Variants in CFAP47 observed in about 807,000 individuals in gnomAD.
The protein encoded by CFAP47 is cilia- and flagella-associated protein 47.
Under a neutral mutation model 148.1 loss-of-function variants are expected in CFAP47, and 29 were observed. The observed-to-expected ratio is 0.20, with a 90% confidence interval of 0.15 to 0.27. CFAP47 has a LOEUF of 0.27. CFAP47 is among the 10% of genes least tolerant of loss of function. CFAP47 has a pLI of 1.00. For synonymous variants in CFAP47, 664 were observed against 577.3 expected (o/e 1.15, Z -2.15); for missense variants, 1,872 against 1,697.5 (o/e 1.10, Z -1.81).
chrX:35,998,884 G>T (rs1447363569), intron 19 of CFAP47, among the ~76,000 whole-genome samples: 1 of 111,019 alleles, frequency 9.0e-6, no homozygotes, highest in Admixed American at 9.6e-5. Flanking sequence ...GTCATTTTGG[G>T]CATGCTTTGC....
chrX:35,960,577 CT>C (rs1936316928), intron 8 of CFAP47, among the ~76,000 whole-genome samples: 1 of 110,150 alleles, frequency 9.1e-6, no homozygotes, highest in South Asian at 3.8e-4. Context: ...ATGTACAAGT[CT>C]TGCAATTATT....
At chrX:36,320,073 G>A (rs968900754) in intron 57 of CFAP47, among the ~76,000 whole-genome samples, 1 of 111,250 alleles carries the variant, frequency 9.0e-6, no homozygotes, top group Admixed American at 9.6e-5. Context: ...TGATCCACCT[G>A]CCTTGGCCTC....
In CFAP47 at chrX:36,371,643, T is replaced by TATGTGTATATATGTGTGTATATACACAC. The variant is rs1340408211; in HGVS notation, c.9185+4579_9185+4606dup. On this transcript the variant is annotated intron_variant, in intron 62 of 63. Coordinates refer to ENST00000378653, the MANE Select transcript of CFAP47 (RefSeq NM_001304548.2). ...TGTAATATATGTGTATATACACACA[T>TATGTGTATATATGTGTGTATATACACAC]ATGTGTATATATGTGTGTATATACA... Among the ~76,000 whole-genome samples, 19 of 79,850 alleles carry TATGTGTATATATGTGTGTATATACACAC rather than the reference T, an allele frequency of 2.4e-4. 1 individual carries two copies. Among genetic ancestry groups the TATGTGTATATATGTGTGTATATACACAC allele is most frequent in the South Asian group, 6.7e-4 (1 of 1,500 alleles). The allele number at this position is 79,850 out of a possible 115,157, so 69.3% of individuals were successfully genotyped here. A position where few individuals can be genotyped will look rare whatever the true frequency, so the allele number is the denominator to read the frequency against.
At chrX:36,000,656 T>C (rs1936903621) in intron 20 of CFAP47, among the ~76,000 whole-genome samples, 1 of 111,628 alleles carries the variant, frequency 9.0e-6, no homozygotes, top group Admixed American at 9.5e-5. Flanking sequence ...ACCGTTCTTA[T>C]TAGTGTGTTA....
In CFAP47 at chrX:36,085,544, T is replaced by A. The variant is rs778831105; in HGVS notation, c.4916+6T>A. 8.3e-6 allele frequency: 9 copies of A among 1,084,478 alleles called. No homozygotes were observed. The South Asian group carries it at 1.5e-4, about 18-fold the overall frequency. The allele number at this position is 1,084,478 out of a possible 1,213,427, so 89.4% of individuals were successfully genotyped here. A position where few individuals can be genotyped will look rare whatever the true frequency, so the allele number is the denominator to read the frequency against. ...TCACTTCTGGACTTTCTCAAGTAAG[T>A]GCCTGGATGTGCTCATATAAGCATA... On this transcript the variant is annotated splice_donor_region_variant and intron_variant, in intron 30 of 63. Transcript: ENST00000378653.
intron 6 of CFAP47, among the ~76,000 whole-genome samples, chrX:35,952,697 A>T (rs938059695): frequency 1.9e-4 from 21 of 111,956 alleles, no homozygotes; most frequent in Admixed American, 1.6e-3. Flanking sequence ...TAAATCAAGT[A>T]ATTGTTCTAT....
intron 50 of CFAP47, among the ~76,000 whole-genome samples, chrX:36,281,606 C>G (rs1345665488): frequency 7.1e-5 from 8 of 112,015 alleles, no homozygotes; most frequent in Non-Finnish European, 1.5e-4. Context: ...TGGAGGAGGC[C>G]TACTCAATGG....
At chrX:36,372,042 A>ATATGTATATATGTGTGTGTG (rs1941976138) in intron 62 of CFAP47, among the ~76,000 whole-genome samples, 2 of 100,715 alleles carry the variant, frequency 2.0e-5, no homozygotes, top group African/African-American at 7.7e-5. Flanking sequence ...GTGTGTGTGT[A>ATATGTATATATGTGTGTGTG]TATATATATA....
intron 26 of CFAP47, 55 bp from the exon 27 acceptor site, chrX:36,065,588 C>A: frequency 1.5e-6 from 1 of 657,917 alleles, no homozygotes; most frequent in Non-Finnish European, 2.4e-6. Flanking sequence ...AAATGCATGG[C>A]ATTTACTGCA....
chrX:36,235,176 G>A (rs782521757), intron 46 of CFAP47, among the ~76,000 whole-genome samples: 3 of 111,830 alleles, frequency 2.7e-5, no homozygotes, highest in Non-Finnish European at 3.8e-5. Context: ...TAAGTCTGCA[G>A]AGGTTACTGC....
Position 35,961,333 on chromosome X carries a change from C to T in CFAP47, c.1410+5137C>T, listed in dbSNP as rs767545078. Among the ~76,000 whole-genome samples, 3 of 111,454 alleles carry T rather than the reference C, an allele frequency of 2.7e-5. No individual in the cohort carries two copies. The South Asian group carries it at 1.1e-3, about 42-fold the overall frequency. Reference sequence around the variant, plus strand: ...TTTGGCATCAGAATAAAACCGGTGCCACAGAATGAATTGAGAATACACTCT... The same window carrying T: ...TTTGGCATCAGAATAAAACCGGTGCTACAGAATGAATTGAGAATACACTCT... On this transcript the variant is annotated intron_variant, in intron 8 of 63. Transcript: ENST00000378653.
At chrX:36,079,188 T>C (rs1937924952) in intron 29 of CFAP47, among the ~76,000 whole-genome samples, 1 of 111,226 alleles carries the variant, frequency 9.0e-6, no homozygotes, top group African/African-American at 3.3e-5. Context: ...ATCTTTGTGG[T>C]GTTCTCTGTA....
chrX:36,377,932 A>T (rs918896390), intron 62 of CFAP47, among the ~76,000 whole-genome samples: 1 of 111,854 alleles, frequency 8.9e-6, no homozygotes, highest in African/African-American at 3.2e-5. Context: ...GCCCGAAGTC[A>T]TCCATCTAAA....
chrX:35,924,117 A>G (rs765085020), intron 1 of CFAP47, among the ~76,000 whole-genome samples: 2 of 100,917 alleles, frequency 2.0e-5, no homozygotes, highest in Admixed American at 1.1e-4. Flanking sequence ...ATGTACATGT[A>G]TGCGTACATA....
At chrX:36,106,529 AGATGGTGCCTAGAC>A (rs1478524704) in intron 33 of CFAP47, among the ~76,000 whole-genome samples, 1 of 111,938 alleles carries the variant, frequency 8.9e-6, no homozygotes, top group African/African-American at 3.2e-5. Context: ...TCTGTTTCCA[AGATGGTGCCTAGAC>A]GATGCACACT....
intron 3 of CFAP47, 33 bp from the exon 4 acceptor site, chrX:35,948,281 C>CG (rs1936113475): frequency 1.7e-6 from 2 of 1,157,674 alleles, no homozygotes; most frequent in Non-Finnish European, 2.3e-6. Context: ...TGTAAGGGTC[C>CG]AGATGTAAAT....
chrX:36,010,069 G>A (rs754508382), intron 21 of CFAP47, among the ~76,000 whole-genome samples: 72 of 111,252 alleles, frequency 6.5e-4, no homozygotes, highest in African/African-American at 1.7e-3. Context: ...CATAAATAAT[G>A]TAAGGTTTTG....
chrX:36,032,355 A>G (rs1937289885), intron 23 of CFAP47, among the ~76,000 whole-genome samples: 1 of 110,517 alleles, frequency 9.0e-6, no homozygotes, highest in South Asian at 3.8e-4. Flanking sequence ...CCCATGAATG[A>G]TATTTGCAGT....
At chrX:35,953,973 C>T (rs1936206718) in intron 7 of CFAP47, among the ~76,000 whole-genome samples, 1 of 110,201 alleles carries the variant, frequency 9.1e-6, no homozygotes, top group South Asian at 3.8e-4. Context: ...ACATGATGAT[C>T]TAGGGTTTAA....
Sources: allele counts gnomAD v4.1 joint callset (sites outside exome capture counted in the v4.1 genomes callset), GRCh38; gene constraint gnomAD v4.1.1; transcripts MANE v1.5; gene names NCBI Gene and HGNC (gene_info 2026-07-23, HGNC 2026-07-21).